Variants in MCTP1 observed in about 807,000 individuals in gnomAD.
The protein encoded by MCTP1 is multiple C2 and transmembrane domain-containing protein 1.
In MCTP1, 69 loss-of-function variants were observed where a neutral mutation model predicts 120.6. That is an observed-to-expected ratio of 0.57 (90% CI 0.47 to 0.70). MCTP1 has a LOEUF of 0.70. Among genes scored for constraint, MCTP1 ranks in the 30% least tolerant of loss-of-function variants. MCTP1 has a pLI of 0.00. For synonymous variants in MCTP1, 529 were observed against 493.1 expected, an observed-to-expected ratio of 1.07 and a Z score of -0.96; for missense variants, 1,203 against 1,248.8, an observed-to-expected ratio of 0.96 and a Z score of 0.55.
intron 17 of MCTP1, among the ~76,000 whole-genome samples, chr5:94,821,371 G>T (rs1383747759): frequency 6.6e-6 from 1 of 152,018 alleles, no homozygotes; most frequent in Non-Finnish European, 1.5e-5. Flanking sequence ...ATCTGATAGG[G>T]TTTCCCTTCA....
intron 17 of MCTP1, among the ~76,000 whole-genome samples, chr5:94,828,653 C>T (rs1561705921): frequency 6.6e-6 from 1 of 152,286 alleles, no homozygotes; most frequent in East Asian, 1.9e-4. Context: ...ATGCCCTGCC[C>T]AGAGAGGAGG....
intron 1 of MCTP1, among the ~76,000 whole-genome samples, chr5:95,222,078 C>T (rs1367031893): frequency 6.6e-6 from 1 of 152,172 alleles, no homozygotes; most frequent in East Asian, 1.9e-4. Flanking sequence ...CTCTTTCAAA[C>T]AAATAAAAAG....
At chr5:95,087,551 G>T (rs1440478484) in intron 1 of MCTP1, among the ~76,000 whole-genome samples, 3 of 152,192 alleles carry the variant, frequency 2.0e-5, no homozygotes, top group Non-Finnish European at 4.4e-5. Context: ...TACAGCTCTG[G>T]GTTGTTACAT....
At chr5:94,844,442 T>G (rs1025069691) in intron 17 of MCTP1, among the ~76,000 whole-genome samples, 6 of 151,892 alleles carry the variant, frequency 4.0e-5, no homozygotes, top group African/African-American at 1.5e-4. Context: ...GTTAAGGAAA[T>G]TTACATTTTT....
chr5:94,707,423 A>ATGC lies in MCTP1; in HGVS notation c.*70_*72dup. On this transcript the variant is annotated 3_prime_UTR_variant, in exon 23 of 23. Transcript: ENST00000515393. ...TAAATAAAAAGCAGAAAGAAAGGAA[A>ATGC]TGCTGCTGAGGCTGAGGGCTTTTTC... The ATGC allele has an allele frequency of 8.8e-7, 1 of 1,131,238 alleles. No individual in the cohort carries two copies. The highest frequency in any genetic ancestry group is 2.4e-5 in the East Asian group (1 of 42,496). The allele number at this position is 1,131,238 out of a possible 1,614,324, so 70.1% of individuals were successfully genotyped here.
intron 10 of MCTP1, among the ~76,000 whole-genome samples, chr5:94,895,633 T>C (rs1561819277): frequency 6.6e-6 from 1 of 152,230 alleles, no homozygotes; most frequent in African/African-American, 2.4e-5. Context: ...TGTGGTAACC[T>C]ACCATAAACT....
chr5:95,104,784 C>T (rs949927686), intron 1 of MCTP1, among the ~76,000 whole-genome samples: 3 of 152,156 alleles, frequency 2.0e-5, no homozygotes, highest in Admixed American at 1.3e-4. Flanking sequence ...CAGCACTTAT[C>T]AAATTTCTGA....
intron 2 of MCTP1, among the ~76,000 whole-genome samples, chr5:94,954,605 T>A (rs1432031278): frequency 6.6e-6 from 1 of 152,208 alleles, no homozygotes; most frequent in African/African-American, 2.4e-5. Flanking sequence ...TAATTAAAGT[T>A]ATAAATCATA....
At chr5:94,708,414 C>A in intron 22 of MCTP1, 98 bp downstream of exon 22, 1 of 721,090 alleles carries the variant, frequency 1.4e-6, no homozygotes, top group Middle Eastern at 4.0e-4. Flanking sequence ...TTTTACTCAG[C>A]TCTTCTAAAG....
intron 18 of MCTP1, among the ~76,000 whole-genome samples, chr5:94,796,301 A>G (rs1779983093): frequency 6.6e-6 from 1 of 151,918 alleles, no homozygotes; most frequent in Non-Finnish European, 1.5e-5. Context: ...TGGTGGCAGA[A>G]AATTCTTTCT....
At chr5:95,021,504 A>C (rs974850613) in intron 1 of MCTP1, among the ~76,000 whole-genome samples, 1 of 152,020 alleles carries the variant, frequency 6.6e-6, no homozygotes, top group African/African-American at 2.4e-5. Flanking sequence ...CTTCAATACA[A>C]TCTTATTTTT....
At chr5:94,818,760 T>C (rs255209) in intron 17 of MCTP1, among the ~76,000 whole-genome samples, 135,584 of 152,174 alleles carry the variant, frequency 0.89, 60,558 homozygotes, top group East Asian at 0.98. Flanking sequence ...ATCTGTGTTC[T>C]GGCAAGTGTG....
intron 17 of MCTP1, among the ~76,000 whole-genome samples, chr5:94,857,429 C>G (rs891876212): frequency 2.0e-5 from 3 of 151,680 alleles, no homozygotes; most frequent in Non-Finnish European, 1.5e-5. Context: ...CAATTAGAAA[C>G]AGAACCCAAG....
chr5:95,012,506 AAC>A, intron 2 of MCTP1, among the ~76,000 whole-genome samples: 1 of 152,252 alleles, frequency 6.6e-6, no homozygotes, highest in Non-Finnish European at 1.5e-5. Context: ...GGTTTATGGC[AAC>A]ACTACCTTGA....
chr5:94,823,906 CTT>C (rs1379291545), intron 17 of MCTP1, among the ~76,000 whole-genome samples: 2 of 152,204 alleles, frequency 1.3e-5, no homozygotes, highest in African/African-American at 4.8e-5. Context: ...TATCCTGAGA[CTT>C]TGCTGAAGTT....
At position 94,860,750 on chromosome 5, in the gene MCTP1, C is replaced by CG. The variant is rs1296181046; in HGVS notation, c.2436+7582dup. ...GTAAAAACTGGTTCTTGAGCTGGGG[C>CG]GGGGGGGAAGCAACAGAAATCTTAG... On this transcript the variant is annotated intron_variant, in intron 17 of 22. Transcript: ENST00000515393. Among the ~76,000 whole-genome samples the CG allele has an allele frequency of 5.3e-5, 8 of 150,256 alleles. No homozygotes were observed. The East Asian group carries it at 5.9e-4, about 11-fold the overall frequency.
At chr5:95,004,010 T>C (rs1038252684) in intron 2 of MCTP1, among the ~76,000 whole-genome samples, 5 of 152,154 alleles carry the variant, frequency 3.3e-5, no homozygotes, top group Admixed American at 2.6e-4. Context: ...CAAATGCTGA[T>C]AGTGACAAGA....
At chr5:94,906,725 CTA>C (rs1328445603) in intron 10 of MCTP1, among the ~76,000 whole-genome samples, 1 of 152,046 alleles carries the variant, frequency 6.6e-6, no homozygotes, top group Non-Finnish European at 1.5e-5. Flanking sequence ...ATAAACTAGT[CTA>C]TATAGATAAT....
chr5:95,251,476 A>C (rs948737439), intron 1 of MCTP1, among the ~76,000 whole-genome samples: 6 of 152,130 alleles, frequency 3.9e-5, no homozygotes, highest in Non-Finnish European at 7.4e-5. Context: ...GAAATTAAGA[A>C]AGAATTACTC....
Sources: gnomAD v4.1 joint callset for allele counts (sites outside exome capture counted in the v4.1 genomes callset) on GRCh38, gnomAD v4.1.1 for gene constraint, MANE v1.5 for transcripts, NCBI Gene and HGNC (gene_info 2026-07-23, HGNC 2026-07-21) for gene names.